The following PXDNL variants were observed in gnomAD, a reference collection of about 807,000 sequenced individuals.
PXDNL encodes probable oxidoreductase PXDNL.
Under a neutral mutation model 150.8 loss-of-function variants are expected in PXDNL, and 145 were observed. The observed-to-expected ratio is 0.96, with a 90% CI of 0.84 to 1.10. PXDNL has a LOEUF of 1.10. Ranked by LOEUF, PXDNL falls within the 50% of genes least tolerant of loss-of-function variation. PXDNL has a pLI of 0.00. For synonymous variants in PXDNL, 757 were observed against 725.7 expected, an observed-to-expected ratio of 1.04 and a Z score of -0.69; for missense variants, 2,087 against 1,873.9, an observed-to-expected ratio of 1.11 and a Z score of -2.10.
intron 1 of PXDNL, among the ~76,000 whole-genome samples, chr8:51,773,540 A>C (rs4873600): frequency 0.96 from 145,918 of 152,288 alleles, 70,051 homozygotes; most frequent in East Asian, 1. Context: ...AATAGCCCAA[A>C]CACCTTCTAG....
intron 12 of PXDNL, among the ~76,000 whole-genome samples, chr8:51,443,878 G>T (rs1375963076): frequency 6.6e-6 from 1 of 152,116 alleles, no homozygotes; most frequent in Non-Finnish European, 1.5e-5. Context: ...TTGACAATTG[G>T]TAGCTTCTTT....
At chr8:51,565,775 T>C (rs1378358777) in intron 3 of PXDNL, among the ~76,000 whole-genome samples, 2 of 151,870 alleles carry the variant, frequency 1.3e-5, no homozygotes, top group African/African-American at 4.8e-5. Context: ...CATAAATGAA[T>C]TTCATGTTTA....
At position 51,379,534 on chromosome 8, in the gene PXDNL, TC is replaced by T. The variant is rs1174477079; in HGVS notation, c.3558-4804del. ...ACCCTTTTTTAATTGGGTTTTTTTT[TC>T]TTACTGTTAATTATCTATATATTCT... On this transcript the variant is annotated intron_variant, in intron 17 of 22. Transcript: ENST00000356297. Among the ~76,000 whole-genome samples the T allele has an allele frequency of 2.6e-5, 4 of 152,272 alleles. No homozygotes were observed. In the East Asian group the frequency reaches 7.7e-4, roughly 29 times the overall value.
At chr8:51,599,380 A>G (rs151258247) in intron 2 of PXDNL, among the ~76,000 whole-genome samples, 185 of 151,716 alleles carry the variant, frequency 1.2e-3, no homozygotes, top group African/African-American at 4.2e-3. Context: ...ATTGCTCTCA[A>G]CTTTCCTCTT....
At position 51,506,358 on chromosome 8, in the gene PXDNL, T is replaced by C. The variant is rs892062179; in HGVS notation, c.381-6588A>G. On this transcript the variant is annotated intron_variant, in intron 4 of 22. Transcript: ENST00000356297. ...GAGATTGAGACCATCCTGGCCAACA[T>C]GGTGAAACCCCGTCTCTACTAAAAA... 2.0e-4 allele frequency among the ~76,000 whole-genome samples: 31 copies of C among 151,934 alleles called. No homozygotes were observed. The East Asian group carries it at 2.3e-3, about 11-fold the overall frequency.
intron 7 of PXDNL, among the ~76,000 whole-genome samples, chr8:51,473,675 A>G (rs1418166290): frequency 2.6e-5 from 4 of 151,728 alleles, no homozygotes; most frequent in African/African-American, 7.3e-5. Flanking sequence ...GCACACCAAC[A>G]TGGCACATGT....
intron 1 of PXDNL, chr8:51,721,748 C>T (rs1293460566): frequency 4.8e-6 from 2 of 412,730 alleles, no homozygotes; most frequent in Admixed American, 2.6e-5. Context: ...TCATCATCCT[C>T]TCCAGCAGCA....
rs370729331 is a variant in PXDNL, at chr8:51,673,100, T to C, written c.165-18340A>G. 2.0e-5 allele frequency among the ~76,000 whole-genome samples: 3 copies of C among 152,158 alleles called. No homozygotes were observed. The East Asian group carries it at 5.8e-4, about 29-fold the overall frequency. On this transcript the variant is annotated intron_variant, in intron 1 of 22. Transcript: ENST00000356297. ...CACATTCTTCAAATATTAGAAAGTA[T>C]AGAAATTCCAAGTTTTACACATGTA...
intron 19 of PXDNL, among the ~76,000 whole-genome samples, chr8:51,349,481 A>G (rs901397451): frequency 8.6e-5 from 13 of 152,030 alleles, no homozygotes; most frequent in African/African-American, 3.1e-4. Flanking sequence ...AACTCATTGC[A>G]CTCTCTCAGC....
At chr8:51,514,210 T>G (rs370224491) in intron 4 of PXDNL, among the ~76,000 whole-genome samples, 37 of 152,214 alleles carry the variant, frequency 2.4e-4, no homozygotes, top group African/African-American at 7.5e-4. Context: ...AATAGTAGGC[T>G]TTTAACATTT....
chr8:51,644,324 A>G (rs1161441842), intron 2 of PXDNL, among the ~76,000 whole-genome samples: 1 of 46,012 alleles, frequency 2.2e-5, no homozygotes, highest in South Asian at 1.1e-3. Flanking sequence ...ATTTTTACAT[A>G]TATATATATA....
intron 1 of PXDNL, among the ~76,000 whole-genome samples, chr8:51,794,844 C>T (rs1296119085): frequency 6.6e-6 from 1 of 151,960 alleles, no homozygotes; most frequent in Non-Finnish European, 1.5e-5. Flanking sequence ...CTAATTGTCC[C>T]AATTAAAAGA....
intron 21 of PXDNL, among the ~76,000 whole-genome samples, chr8:51,338,986 G>T (rs1257738390): frequency 6.6e-6 from 1 of 152,168 alleles, no homozygotes; most frequent in Non-Finnish European, 1.5e-5. Context: ...GATGAAGCAG[G>T]CATCAAGTTC....
intron 5 of PXDNL, among the ~76,000 whole-genome samples, chr8:51,496,872 T>C (rs1403691123): frequency 1.3e-5 from 2 of 152,176 alleles, no homozygotes; most frequent in African/African-American, 4.8e-5. Flanking sequence ...AGGTAATTTA[T>C]AGATTCAATG....
chr8:51,660,046 T>C (rs1815239067), intron 1 of PXDNL, among the ~76,000 whole-genome samples: 1 of 151,884 alleles, frequency 6.6e-6, no homozygotes, highest in South Asian at 2.1e-4. Flanking sequence ...CCCACCACCA[T>C]GTCGGGCTAA....
intron 2 of PXDNL, among the ~76,000 whole-genome samples, chr8:51,625,821 T>C (rs191642629): frequency 1.3e-5 from 2 of 152,312 alleles, no homozygotes; most frequent in Admixed American, 1.3e-4. Context: ...TTAAAACAGA[T>C]TTTTTTAGTA....
At chr8:51,443,321 A>G (rs1299718959) in intron 12 of PXDNL, among the ~76,000 whole-genome samples, 1 of 152,112 alleles carries the variant, frequency 6.6e-6, no homozygotes, top group Non-Finnish European at 1.5e-5. Flanking sequence ...ATATGAAGAC[A>G]GATACGAAAA....
chr8:51,641,017 A>G (rs1490633893), intron 2 of PXDNL, among the ~76,000 whole-genome samples: 1 of 152,182 alleles, frequency 6.6e-6, no homozygotes, highest in African/African-American at 2.4e-5. Context: ...ATATAGATCA[A>G]TGGAACAGCA....
At chr8:51,779,948 A>C (rs1197577513) in intron 1 of PXDNL, among the ~76,000 whole-genome samples, 2 of 152,076 alleles carry the variant, frequency 1.3e-5, no homozygotes, top group African/African-American at 2.4e-5. Flanking sequence ...GTGGTGGCTC[A>C]TGCCTGTAAT....
Sources: allele counts gnomAD v4.1 joint callset (sites outside exome capture counted in the v4.1 genomes callset), GRCh38; gene constraint gnomAD v4.1.1; transcripts MANE v1.5; gene names NCBI Gene and HGNC (gene_info 2026-07-23, HGNC 2026-07-21).